Variants in PDGFC observed in about 807,000 individuals in gnomAD.
The protein encoded by PDGFC is platelet-derived growth factor C.
Under a neutral mutation model 35.5 loss-of-function variants are expected in PDGFC, and 12 were observed. That is an observed-to-expected ratio of 0.34 (90% CI 0.22 to 0.55). PDGFC has a LOEUF of 0.55. Among genes scored for constraint, PDGFC ranks in the 20% least tolerant of loss-of-function variants. The probability of loss-of-function intolerance (pLI) is 0.91; values close to 1 mark genes in which losing one functional copy is unlikely to be tolerated. For synonymous variants in PDGFC, 159 were observed against 148.8 expected (o/e 1.07, Z -0.50); for missense variants, 322 against 412.4 (o/e 0.78, Z 1.90).
chr4:156,820,053 A>G (rs550586332), intron 2 of PDGFC, among the ~76,000 whole-genome samples: 29 of 152,342 alleles, frequency 1.9e-4, no homozygotes, highest in Non-Finnish European at 4.0e-4. Flanking sequence ...CTGAACAGGT[A>G]ACTGAATTGC....
intron 2 of PDGFC, among the ~76,000 whole-genome samples, chr4:156,822,597 T>A (rs1487747383): frequency 6.6e-6 from 1 of 152,020 alleles, no homozygotes; most frequent in African/African-American, 2.4e-5. Flanking sequence ...TTCATAAATA[T>A]CAACTCATCC....
intron 1 of PDGFC, among the ~76,000 whole-genome samples, chr4:156,948,476 C>T (rs1429017801): frequency 1.3e-5 from 2 of 151,924 alleles, no homozygotes; most frequent in African/African-American, 2.4e-5. Flanking sequence ...TTTAAGAATG[C>T]CACCTCCTAG....
At chr4:156,779,436 G>A (rs1402267613) in intron 3 of PDGFC, among the ~76,000 whole-genome samples, 1 of 152,130 alleles carries the variant, frequency 6.6e-6, no homozygotes, top group Non-Finnish European at 1.5e-5. Flanking sequence ...CTTATTCAAA[G>A]AGCATGACAA....
intron 1 of PDGFC, among the ~76,000 whole-genome samples, chr4:156,879,716 A>C (rs1231903623): frequency 6.6e-6 from 1 of 152,230 alleles, no homozygotes; most frequent in African/African-American, 2.4e-5. Context: ...TTCAAATGAT[A>C]ACATACTATT....
intron 1 of PDGFC, among the ~76,000 whole-genome samples, chr4:156,940,183 T>C (rs1014541486): frequency 6.6e-6 from 1 of 152,154 alleles, no homozygotes; most frequent in Non-Finnish European, 1.5e-5. Context: ...ATCAAATCAA[T>C]TGTTTTCCAA....
intron 1 of PDGFC, among the ~76,000 whole-genome samples, chr4:156,964,332 T>A (rs1732412954): frequency 6.6e-6 from 1 of 150,760 alleles, no homozygotes. Context: ...ATTATAAAGG[T>A]AGTATTTCCA....
At chr4:156,948,727 TACA>T (rs1348545457) in intron 1 of PDGFC, among the ~76,000 whole-genome samples, 1 of 152,090 alleles carries the variant, frequency 6.6e-6, no homozygotes, top group African/African-American at 2.4e-5. Context: ...ATGAAATACT[TACA>T]ACATTTTAGT....
chr4:156,779,170 C>T (rs1200208885), intron 3 of PDGFC: 1 of 456,180 alleles, frequency 2.2e-6, no homozygotes, highest in Admixed American at 2.3e-5. Flanking sequence ...TGTAAAGACA[C>T]AAGAATGTCC....
chr4:156,800,312 A>T (rs535433741), intron 3 of PDGFC, among the ~76,000 whole-genome samples: 39 of 152,318 alleles, frequency 2.6e-4, no homozygotes, highest in Admixed American at 1.3e-4. Context: ...CAAAATTAAC[A>T]TCTTTAGAAA....
chr4:156,936,200 A>T (rs1285593158), intron 1 of PDGFC, among the ~76,000 whole-genome samples: 1 of 152,190 alleles, frequency 6.6e-6, no homozygotes, highest in Non-Finnish European at 1.5e-5. Flanking sequence ...CAACGTCGTA[A>T]TAGAATGAGT....
chr4:156,839,082 G>A lies in PDGFC; in HGVS notation c.314+11139C>T, dbSNP rs72974690. ...TAAGCGACTGAGCTAAAGCTGTGAC[G>A]GTTTAACATTTTCTTTGAAACATAT... On this transcript the variant is annotated intron_variant, in intron 2 of 5. Coordinates refer to ENST00000502773, the MANE Select transcript of PDGFC (RefSeq NM_016205.3). Among the ~76,000 whole-genome samples the A allele has an allele frequency of 5.0e-3, 759 of 152,286 alleles. 6 individuals are homozygous for A. The highest frequency in any genetic ancestry group is 0.017 in the African/African-American group (700 of 41,548).
At chr4:156,863,075 CA>C (rs1729755854) in intron 1 of PDGFC, among the ~76,000 whole-genome samples, 2 of 152,018 alleles carry the variant, frequency 1.3e-5, no homozygotes, top group South Asian at 4.1e-4. Context: ...GCTAAAACAA[CA>C]AATAAAAACT....
At chr4:156,939,981 A>G (rs1021729098) in intron 1 of PDGFC, among the ~76,000 whole-genome samples, 1 of 152,122 alleles carries the variant, frequency 6.6e-6, no homozygotes, top group Non-Finnish European at 1.5e-5. Context: ...ACATAGAATG[A>G]CATGCAAAGG....
chr4:156,808,317 T>C (rs773388764), intron 3 of PDGFC, among the ~76,000 whole-genome samples: 44 of 152,174 alleles, frequency 2.9e-4, no homozygotes, highest in Non-Finnish European at 5.4e-4. Flanking sequence ...TTGTCTACTA[T>C]AAACTAGTAG....
intron 5 of PDGFC, among the ~76,000 whole-genome samples, chr4:156,766,006 CAA>C (rs1260525259): frequency 6.6e-6 from 1 of 152,130 alleles, no homozygotes; most frequent in Non-Finnish European, 1.5e-5. Flanking sequence ...GCAATTTGCT[CAA>C]AGTCACATGC....
At chr4:156,922,779 G>A (rs985593335) in intron 1 of PDGFC, among the ~76,000 whole-genome samples, 1 of 152,090 alleles carries the variant, frequency 6.6e-6, no homozygotes, top group African/African-American at 2.4e-5. Context: ...TGAAGAGATC[G>A]AGGAAGCAGA....
Position 156,895,590 on chromosome 4 carries a change from C to T in PDGFC, c.119-45174G>A, listed in dbSNP as rs552078144. Among the ~76,000 whole-genome samples the T allele has an allele frequency of 6.7e-3, 1,009 of 151,556 alleles. 5 individuals are homozygous for T. Among genetic ancestry groups the T allele is most frequent in the Middle Eastern group, 0.017 (5 of 294 alleles). ...GAGGTTGCAGTAAGCTGAGATCGTG[C>T]CACTGCACTCCAGCCTGGGCGACAG... On this transcript the variant is annotated intron_variant, in intron 1 of 5. Transcript: ENST00000502773.
chr4:156,905,379 T>G (rs952944791), intron 1 of PDGFC, among the ~76,000 whole-genome samples: 3 of 152,132 alleles, frequency 2.0e-5, no homozygotes, highest in Non-Finnish European at 4.4e-5. Context: ...AATATCACTT[T>G]TGTATTATAT....
chr4:156,791,325 C>T (rs10030455), intron 3 of PDGFC, among the ~76,000 whole-genome samples: 10,861 of 152,094 alleles, frequency 0.071, 1,293 homozygotes, highest in African/African-American at 0.25. Flanking sequence ...GCCATCATTC[C>T]TGTAAAAGAG....
Sources: allele counts gnomAD v4.1 joint callset (sites outside exome capture counted in the v4.1 genomes callset), GRCh38; gene constraint gnomAD v4.1.1; transcripts MANE v1.5; gene names NCBI Gene and HGNC (gene_info 2026-07-23, HGNC 2026-07-21).